The following DGKH variants were observed in gnomAD, a reference collection of about 807,000 sequenced individuals.
DGKH encodes the protein DAG kinase eta.
In DGKH, 90 loss-of-function variants were observed where a neutral mutation model predicts 159.3. That is an observed-to-expected ratio of 0.57 (90% CI 0.48 to 0.67). The LOEUF is 0.67. Ranked by LOEUF, DGKH falls within the 30% of genes least tolerant of loss-of-function variation. The pLI is 0.00. For synonymous variants in DGKH, 536 were observed against 553.8 expected, an observed-to-expected ratio of 0.97 and a Z score of 0.45; for missense variants, 1,181 against 1,506.1, an observed-to-expected ratio of 0.78 and a Z score of 3.57.
intron 1 of DGKH, among the ~76,000 whole-genome samples, chr13:42,058,195 C>A (rs1881896226): frequency 6.6e-6 from 1 of 152,080 alleles, no homozygotes; most frequent in South Asian, 2.1e-4. Flanking sequence ...TGTAGTAAGT[C>A]CTCACTTAAC....
intron 3 of DGKH, among the ~76,000 whole-genome samples, chr13:42,143,301 A>G (rs999468682): frequency 7.9e-5 from 12 of 151,690 alleles, no homozygotes; most frequent in Admixed American, 2.6e-4. Flanking sequence ...TCGGTTTGCC[A>G]GTATTTTATT....
chr13:42,239,514 T>C lies in DGKH; in HGVS notation c.*10326T>C, dbSNP rs1958478525. On this transcript the variant is annotated 3_prime_UTR_variant, in exon 30 of 30. Coordinates refer to ENST00000337343, the MANE Select transcript of DGKH (RefSeq NM_178009.5). ...TTGCATATTTCATTTTTTGATTATG[T>C]CAAAAGTTGAATTCTCATTTTATGC... 6.6e-6 allele frequency: 1 copy of C among 152,640 alleles called. No homozygotes were observed. Among genetic ancestry groups the C allele is most frequent in the African/African-American group, 2.4e-5 (1 of 41,460 alleles). 9.5% of individuals were successfully genotyped at this position (152,640 alleles called of 1,614,324 possible).
At chr13:42,156,421 T>A (rs1053545011) in intron 5 of DGKH, among the ~76,000 whole-genome samples, 5 of 151,900 alleles carry the variant, frequency 3.3e-5, no homozygotes, top group Non-Finnish European at 5.9e-5. Context: ...CTTTTTTTTT[T>A]AAGTTTTTTA....
At chr13:42,113,902 G>A (rs1249508139) in intron 1 of DGKH, among the ~76,000 whole-genome samples, 1 of 152,074 alleles carries the variant, frequency 6.6e-6, no homozygotes, top group Non-Finnish European at 1.5e-5. Flanking sequence ...TTTAGGATGG[G>A]GTAAAACATG....
intron 3 of DGKH, among the ~76,000 whole-genome samples, chr13:42,152,254 C>T (rs1955924115): frequency 1.3e-5 from 2 of 152,002 alleles, no homozygotes; most frequent in South Asian, 4.1e-4. Context: ...CAATAGGAAA[C>T]TAGTACAATG....
chr13:42,139,336 A>G (rs1955480793), intron 3 of DGKH, among the ~76,000 whole-genome samples: 1 of 152,206 alleles, frequency 6.6e-6, no homozygotes, highest in Non-Finnish European at 1.5e-5. Context: ...AGCTCTGGGA[A>G]CCTAGGACTT....
chr13:42,044,400 C>T (rs1232163774), upstream of DGKH, among the ~76,000 whole-genome samples: 1 of 152,092 alleles, frequency 6.6e-6, no homozygotes, highest in Non-Finnish European at 1.5e-5. Flanking sequence ...CTGGATTCTC[C>T]TGCCTCAGCC....
At chr13:42,175,621 T>A (rs1956581314) in intron 12 of DGKH, among the ~76,000 whole-genome samples, 1 of 152,196 alleles carries the variant, frequency 6.6e-6, no homozygotes, top group Non-Finnish European at 1.5e-5. Context: ...AAATATGAGG[T>A]ACAATTCTAA....
chr13:42,225,075 T>A (rs1387771079), intron 29 of DGKH, among the ~76,000 whole-genome samples: 1 of 152,036 alleles, frequency 6.6e-6, no homozygotes, highest in Non-Finnish European at 1.5e-5. Context: ...GTGCATGCCG[T>A]CACACCCAAC....
chr13:42,105,616 G>A (rs1954735855), intron 1 of DGKH, among the ~76,000 whole-genome samples: 1 of 152,196 alleles, frequency 6.6e-6, no homozygotes, highest in Admixed American at 6.5e-5. Context: ...TATTGTCTGA[G>A]TTGTCATAGG....
intron 3 of DGKH, among the ~76,000 whole-genome samples, chr13:42,131,565 T>C (rs1184100878): frequency 2.0e-5 from 3 of 152,234 alleles, no homozygotes; most frequent in Non-Finnish European, 2.9e-5. Context: ...GGATGGTTAA[T>C]AGTGGCTTCT....
intron 1 of DGKH, among the ~76,000 whole-genome samples, chr13:42,123,585 C>G: frequency 6.6e-6 from 1 of 151,592 alleles, no homozygotes; most frequent in East Asian, 1.9e-4. Context: ...ATTTGCAAAT[C>G]ACATATTAGA....
chr13:42,074,948 A>G (rs932329594), intron 1 of DGKH, among the ~76,000 whole-genome samples: 17 of 152,228 alleles, frequency 1.1e-4, no homozygotes, highest in African/African-American at 3.6e-4. Flanking sequence ...CACATGGAGC[A>G]TGAGAGTGGC....
At chr13:42,188,080 A>C (rs948262354) in intron 14 of DGKH, among the ~76,000 whole-genome samples, 1 of 152,210 alleles carries the variant, frequency 6.6e-6, no homozygotes, top group African/African-American at 2.4e-5. Flanking sequence ...AATAGAAATA[A>C]ATATACATTT....
At chr13:42,061,122 T>C (rs771444587) in intron 1 of DGKH, among the ~76,000 whole-genome samples, 3 of 152,278 alleles carry the variant, frequency 2.0e-5, no homozygotes, top group Non-Finnish European at 4.4e-5. Context: ...ATAGTCCCGT[T>C]TGAGGAGGCG....
chr13:42,083,956 C>G lies in DGKH; in HGVS notation c.192+34991C>G, dbSNP rs150117203. 6.3e-3 allele frequency among the ~76,000 whole-genome samples: 955 copies of G among 152,264 alleles called. 7 individuals are homozygous for G. Among genetic ancestry groups the G allele is most frequent in the African/African-American group, 0.022 (912 of 41,536 alleles). ...GGATGGGCAGCATTCCTGCCCGTCT[C>G]TACCTGGAATGCAGGTAGAGACAGC... On this transcript the variant is annotated intron_variant, in intron 1 of 29. Transcript: ENST00000337343.
At chr13:42,143,509 G>T (rs1955630187) in intron 3 of DGKH, among the ~76,000 whole-genome samples, 1 of 152,154 alleles carries the variant, frequency 6.6e-6, no homozygotes, top group Non-Finnish European at 1.5e-5. Flanking sequence ...GTAGAATTCA[G>T]CTGTGAATCC....
At position 42,202,053 on chromosome 13, in the gene DGKH, C is replaced by T. The variant is rs140106700; in HGVS notation, c.2493+2144C>T. Reference sequence around the variant, plus strand: ...CATGAAGTTAACAAGTCACCTGAATCTATCCATGGACTCCTGGTTTCTGAA... The same window carrying T: ...CATGAAGTTAACAAGTCACCTGAATTTATCCATGGACTCCTGGTTTCTGAA... On this transcript the variant is annotated intron_variant, in intron 20 of 29. Transcript: ENST00000337343. Among the ~76,000 whole-genome samples, 267 of 152,220 alleles carry T rather than the reference C, an allele frequency of 1.8e-3. 3 individuals carry two copies. In the East Asian group the frequency reaches 0.043, roughly 24 times the overall value.
At chr13:42,083,862 A>G (rs1954255796) in intron 1 of DGKH, among the ~76,000 whole-genome samples, 1 of 152,214 alleles carries the variant, frequency 6.6e-6, no homozygotes, top group African/African-American at 2.4e-5. Context: ...TTTCTCAAGT[A>G]TTGTACTTTG....
Sources: allele counts gnomAD v4.1 joint callset (sites outside exome capture counted in the v4.1 genomes callset), GRCh38; gene constraint gnomAD v4.1.1; transcripts MANE v1.5; gene names NCBI Gene and HGNC (gene_info 2026-07-23, HGNC 2026-07-21).